Variants in ARHGAP32 observed in about 807,000 individuals in gnomAD.
The protein encoded by ARHGAP32 is Rho GTPase activating protein 32, also known as rho GTPase-activating protein 32.
ARHGAP32 carries 51 observed loss-of-function variants against 186.5 expected under a neutral mutation model. The ratio of observed to expected loss-of-function variants is 0.27; its 90% CI spans 0.22 to 0.35. The LOEUF is 0.35. Ranked by LOEUF, ARHGAP32 falls within the 10% of genes least tolerant of loss-of-function variation. The pLI is 1.00. For missense variants in ARHGAP32, 2,186 were observed against 2,623.5 expected (o/e 0.83, Z 3.64); for synonymous variants, 950 against 964.3 (o/e 0.99, Z 0.27).
chr11:128,996,491 T>C (rs1462473636), intron 12 of ARHGAP32, among the ~76,000 whole-genome samples: 1 of 152,234 alleles, frequency 6.6e-6, no homozygotes, highest in African/African-American at 2.4e-5. Flanking sequence ...GAGAAAGCTA[T>C]TATTTATTTT....
intron 12 of ARHGAP32, 64 bp from the exon 13 acceptor site, chr11:128,988,189 A>G: frequency 8.1e-7 from 1 of 1,227,358 alleles, no homozygotes; most frequent in Non-Finnish European, 1.2e-6. Flanking sequence ...AGTTGCCAAA[A>G]AATAAGATTG....
intron 1 of ARHGAP32, among the ~76,000 whole-genome samples, chr11:129,204,033 A>G (rs1376228113): frequency 1.3e-5 from 2 of 148,188 alleles, no homozygotes; most frequent in Admixed American, 6.8e-5. Flanking sequence ...ATATAATTAC[A>G]TAATTTATAA....
At chr11:128,994,087 C>T (rs532182214) in intron 12 of ARHGAP32, among the ~76,000 whole-genome samples, 3 of 152,048 alleles carry the variant, frequency 2.0e-5, no homozygotes, top group African/African-American at 7.2e-5. Context: ...CTAAGTACAA[C>T]TAAAATTGAA....
chr11:128,988,212 A>G (rs1945935002), intron 12 of ARHGAP32, 87 bp from the exon 13 acceptor site: 3 of 955,032 alleles, frequency 3.1e-6, no homozygotes, highest in Non-Finnish European at 4.6e-6. Context: ...TTAGTTTACA[A>G]AAGTAAAATA....
chr11:129,031,941 A>C (rs1939132816), intron 11 of ARHGAP32, among the ~76,000 whole-genome samples: 2 of 152,152 alleles, frequency 1.3e-5, no homozygotes, highest in Admixed American at 6.5e-5. Flanking sequence ...AGGACTTCAG[A>C]GGAGAGTTCA....
intron 10 of ARHGAP32, among the ~76,000 whole-genome samples, chr11:129,055,321 T>C (rs895626273): frequency 1.3e-5 from 2 of 152,230 alleles, no homozygotes; most frequent in African/African-American, 4.8e-5. Flanking sequence ...GAAACTCTCA[T>C]TCACTGCTAG....
chr11:129,261,483 C>G (rs186076554), intron 1 of ARHGAP32, among the ~76,000 whole-genome samples: 3 of 152,258 alleles, frequency 2.0e-5, no homozygotes, highest in Admixed American at 2.0e-4. Flanking sequence ...TAGACTTCCC[C>G]TCCTATCTTT....
At chr11:129,093,196 T>C (rs374176897) in intron 6 of ARHGAP32, among the ~76,000 whole-genome samples, 1 of 152,094 alleles carries the variant, frequency 6.6e-6, no homozygotes, top group African/African-American at 2.4e-5. Flanking sequence ...ATGTGATCAA[T>C]AGCTGAATCA....
At position 128,970,731 on chromosome 11, in the gene ARHGAP32, A is replaced by G. The variant is rs1280725570; in HGVS notation, c.4482T>C (p.Asp1494=). ...CTGGACCAAAGGGTTCAGTGGTGACATCGGGCCTAGCAAAGGAGGAGTAAA... is the reference window on the plus strand; with the variant it reads ...CTGGACCAAAGGGTTCAGTGGTGACGTCGGGCCTAGCAAAGGAGGAGTAAA... ...KTVYSSFARP[D]VTTEPFGPDN... Residue 1494 remains aspartate (D), a synonymous_variant, in exon 23 of 23, where the codon GAT becomes GAC. Coordinates refer to ENST00000682385, the MANE Select transcript of ARHGAP32 (RefSeq NM_001378024.1). The surrounding 1 kb of genome is among the most constrained non-coding windows in gnomAD (Gnocchi z 5.8). The G allele has an allele frequency of 3.1e-6, 5 of 1,614,202 alleles. No individual in the cohort carries two copies. Among genetic ancestry groups the G allele is most frequent in the Non-Finnish European group, 2.5e-6 (3 of 1,180,026 alleles).
chr11:129,185,731 G>T (rs1463245572), intron 1 of ARHGAP32, among the ~76,000 whole-genome samples: 1 of 152,016 alleles, frequency 6.6e-6, no homozygotes, highest in South Asian at 2.1e-4. Flanking sequence ...GAGAGAAGGA[G>T]GAAGTTAAAG....
chr11:129,245,579 C>T (rs1310154098), intron 1 of ARHGAP32, among the ~76,000 whole-genome samples: 2 of 148,886 alleles, frequency 1.3e-5, no homozygotes, highest in Non-Finnish European at 3.0e-5. Flanking sequence ...TGCACATGTA[C>T]CCTAAAACTT....
intron 11 of ARHGAP32, among the ~76,000 whole-genome samples, chr11:129,003,197 T>C (rs1174644072): frequency 6.6e-6 from 1 of 152,224 alleles, no homozygotes; most frequent in Non-Finnish European, 1.5e-5. Flanking sequence ...CATGTATTGA[T>C]TTATGTATGT....
At chr11:129,252,843 A>G (rs1240110304) in intron 1 of ARHGAP32, among the ~76,000 whole-genome samples, 2 of 152,208 alleles carry the variant, frequency 1.3e-5, no homozygotes, top group Non-Finnish European at 2.9e-5. Flanking sequence ...TCTACTCAGC[A>G]TGGGCTAGCT....
intron 12 of ARHGAP32, among the ~76,000 whole-genome samples, chr11:128,994,444 C>T (rs1341126774): frequency 6.6e-6 from 1 of 152,028 alleles, no homozygotes; most frequent in Non-Finnish European, 1.5e-5. Flanking sequence ...CATGAGCCAC[C>T]CTGCTGGGCC....
chr11:129,023,771 C>T (rs1039774927), intron 11 of ARHGAP32: 1 of 488,338 alleles, frequency 2.0e-6, no homozygotes, highest in Non-Finnish European at 2.7e-6. Context: ...GTAACATGTG[C>T]CCAAATATAA....
intron 2 of ARHGAP32, among the ~76,000 whole-genome samples, chr11:129,144,046 A>G (rs964381818): frequency 2.6e-5 from 4 of 152,222 alleles, no homozygotes; most frequent in African/African-American, 4.8e-5. Context: ...TTGAACAACA[A>G]TGTTACTAAA....
chr11:129,074,993 A>G (rs1940992109), intron 6 of ARHGAP32, among the ~76,000 whole-genome samples: 1 of 152,194 alleles, frequency 6.6e-6, no homozygotes. Context: ...TCAAAATATC[A>G]CATTCTACAC....
intron 1 of ARHGAP32, among the ~76,000 whole-genome samples, chr11:129,256,932 G>A (rs1945262492): frequency 6.6e-6 from 1 of 152,110 alleles, no homozygotes; most frequent in Non-Finnish European, 1.5e-5. Context: ...CTAGAATACT[G>A]CTACAGCTTG....
At chr11:129,203,902 A>G (rs1944486308) in intron 1 of ARHGAP32, among the ~76,000 whole-genome samples, 1 of 148,864 alleles carries the variant, frequency 6.7e-6, no homozygotes, top group Admixed American at 6.7e-5. Flanking sequence ...CCATCTAAAA[A>G]AATTGCATAT....
Sources: gnomAD v4.1 joint callset for allele counts (sites outside exome capture counted in the v4.1 genomes callset) on GRCh38, gnomAD v4.1.1 for gene constraint, Gnocchi (gnomAD v3.1) non-coding constraint, MANE v1.5 for transcripts, NCBI Gene and HGNC (gene_info 2026-07-23, HGNC 2026-07-21) for gene names.